Variants in MACF1 observed in about 807,000 individuals in gnomAD.
MACF1 encodes the protein microtubule-actin cross-linking factor 1.
A neutral mutation model predicts 854.8 loss-of-function variants in MACF1; 193 were observed. That is an observed-to-expected ratio of 0.23 (90% confidence interval 0.20 to 0.25). MACF1 has a LOEUF of 0.25. Ranked by LOEUF, MACF1 falls within the 10% of genes least tolerant of loss-of-function variation. The probability of loss-of-function intolerance (pLI) is 1.00; values close to 1 mark genes in which losing one functional copy is unlikely to be tolerated. For missense variants in MACF1, 7,722 were observed against 8,929.1 expected (o/e 0.86, Z 5.45); for synonymous variants, 3,185 against 3,226.7 (o/e 0.99, Z 0.44).
intron 19 of MACF1, 102 bp downstream of exon 19, chr1:39,295,252 GT>G: frequency 1.1e-6 from 1 of 937,418 alleles, no homozygotes; most frequent in South Asian, 1.5e-5. Context: ...TGGAGGAAGT[GT>G]CAGGGAACAT....
chr1:39,418,380 A>T lies in MACF1; in HGVS notation c.15817-3994A>T, dbSNP rs193091387. The stretch of plus-strand genomic sequence containing the variant: ...GAGAGACAAATTGAGAGTCATAAGC[A>T]TTTATTGTGGTTAGTATTTAAACCC... On this transcript the variant is annotated intron_variant, in intron 58 of 100. Coordinates refer to ENST00000564288, the MANE Select transcript of MACF1 (RefSeq NM_001394062.1). Among the ~76,000 whole-genome samples the T allele has an allele frequency of 3.2e-4, 48 of 152,360 alleles. 1 individual carries two copies. Among genetic ancestry groups the T allele is most frequent in the African/African-American group, 1.1e-3 (47 of 41,592 alleles).
At chr1:39,193,119 T>TA (rs564270904) in intron 2 of MACF1, among the ~76,000 whole-genome samples, 123 of 144,976 alleles carry the variant, frequency 8.5e-4, no homozygotes, top group Middle Eastern at 3.4e-3. Flanking sequence ...TCTCAAAAAT[T>TA]AAAAAAAAAA....
intron 2 of MACF1, among the ~76,000 whole-genome samples, chr1:39,186,820 G>C (rs959280031): frequency 6.6e-6 from 1 of 151,708 alleles, no homozygotes; most frequent in South Asian, 2.1e-4. Context: ...TTGTTCTCCA[G>C]GCTAGTCTCA....
At chr1:39,179,910 G>A (rs1415931216) in intron 2 of MACF1, among the ~76,000 whole-genome samples, 3 of 151,898 alleles carry the variant, frequency 2.0e-5, no homozygotes, top group Admixed American at 1.3e-4. Context: ...AGCTACTCAC[G>A]AGGCTGAGGC....
intron 2 of MACF1, among the ~76,000 whole-genome samples, chr1:39,243,577 A>T (rs1378924533): frequency 6.6e-6 from 1 of 151,998 alleles, no homozygotes; most frequent in Non-Finnish European, 1.5e-5. Flanking sequence ...GACTTTTAAA[A>T]TTTTTTGTAG....
intron 2 of MACF1, among the ~76,000 whole-genome samples, chr1:39,139,108 A>G (rs184082689): frequency 3.1e-4 from 47 of 152,326 alleles, no homozygotes; most frequent in African/African-American, 1.1e-3. Context: ...TAATCACCCT[A>G]TGAAAATGGA....
At chr1:39,484,975 T>C in intron 100 of MACF1, 1 of 558,626 alleles carries the variant, frequency 1.8e-6, no homozygotes. Flanking sequence ...TCATCAGAAA[T>C]GATCACATTT....
chr1:39,451,099 A>G lies in MACF1; in HGVS notation c.20306A>G (p.Asp6769Gly), dbSNP rs1288649530. Reference protein sequence around the residue: ...EALLFSGQFMDALQALVDWLY... With the variant: ...EALLFSGQFMGALQALVDWLY... ...CTGCTCTTTTCGGGTCAGTTCATGG[A>G]TGCTTTGCAGGCATTGGTTGACTGG... is the stretch of plus-strand genomic sequence containing the variant. The change falls in exon 85 of 101, where the codon GAT (aspartate) becomes GGT (glycine). Residue 6769 changes from aspartate to glycine, a missense_variant. Asp to Gly is a moderately conservative substitution (Grantham distance 94). Around this residue, in one of 15 missense-constraint regions of MACF1, gnomAD observed 729 missense variants for 900.5 expected, o/e 0.81. Coordinates refer to ENST00000564288, the MANE Select transcript of MACF1 (RefSeq NM_001394062.1). 4 of 1,614,184 alleles carry G rather than the reference A, an allele frequency of 2.5e-6. No individual in the cohort carries two copies. The highest frequency in any genetic ancestry group is 3.4e-6 in the Non-Finnish European group (4 of 1,180,022).
chr1:39,480,854 A>G (rs1007972280), intron 98 of MACF1, 66 bp from the exon 99 acceptor site: 2 of 790,130 alleles, frequency 2.5e-6, no homozygotes, highest in African/African-American at 3.5e-5. Context: ...TTCTGTTCCC[A>G]ATGTGCACCC....
chr1:39,152,951 T>A (rs1643613717), intron 2 of MACF1, among the ~76,000 whole-genome samples: 1 of 152,196 alleles, frequency 6.6e-6, no homozygotes, highest in South Asian at 2.1e-4. Flanking sequence ...TAAGCACTTT[T>A]CTTCCACTAG....
At position 39,130,944 on chromosome 1, in the gene MACF1, C is replaced by T. The variant is rs969844047; in HGVS notation, c.220+46506C>T. 4.0e-5 allele frequency among the ~76,000 whole-genome samples: 6 copies of T among 151,362 alleles called. 1 individual carries two copies. Among genetic ancestry groups the T allele is most frequent in the Non-Finnish European group, 8.8e-5 (6 of 67,846 alleles). On this transcript the variant is annotated intron_variant, in intron 2 of 93. Coordinates refer to the MACF1 transcript ENST00000361689. ...GCAACCTCCGCCTCCCGGGTTCAAGCAATTCTCCTGCCTCAGCCTCCCGAG... is the reference window on the plus strand; with the variant it reads ...GCAACCTCCGCCTCCCGGGTTCAAGTAATTCTCCTGCCTCAGCCTCCCGAG...
At position 39,452,358 on chromosome 1, in the gene MACF1, A is replaced by G. The variant is rs1312909438; in HGVS notation, c.20613+8A>G. On this transcript the variant is annotated splice_region_variant and intron_variant, in intron 86 of 100. Coordinates refer to ENST00000564288, the MANE Select transcript of MACF1 (RefSeq NM_001394062.1). ...GAGCAGGCCTTAAAACAAGTAAGGG[A>G]TATTTGCTGTCCCAACCCAAGGGAT... 6.2e-7 allele frequency: 1 copy of G among 1,610,922 alleles called. No individual in the cohort carries two copies.
At chr1:39,330,894 C>T (rs1283220686) in intron 36 of MACF1, among the ~76,000 whole-genome samples, 3 of 151,824 alleles carry the variant, frequency 2.0e-5, no homozygotes, top group East Asian at 1.9e-4. Flanking sequence ...CTCCACCTCC[C>T]GGGTTCAAGC....
chr1:39,345,906 A>G (rs1192282560), intron 40 of MACF1, among the ~76,000 whole-genome samples: 3 of 152,120 alleles, frequency 2.0e-5, no homozygotes, highest in African/African-American at 7.2e-5. Context: ...TGTCTCTACT[A>G]AAAATACAAA....
chr1:39,173,658 T>A (rs1207938701), intron 2 of MACF1, among the ~76,000 whole-genome samples: 1 of 152,144 alleles, frequency 6.6e-6, no homozygotes, highest in African/African-American at 2.4e-5. Context: ...CTCTGTTATT[T>A]CTCTCTCCAG....
Position 39,296,986 on chromosome 1 carries a change from C to T in MACF1, c.2356-634C>T, listed in dbSNP as rs867696658. 1.4e-4 allele frequency among the ~76,000 whole-genome samples: 21 copies of T among 151,932 alleles called. 1 individual carries two copies. The Middle Eastern group carries it at 0.027, about 197-fold the overall frequency. On this transcript the variant is annotated intron_variant, in intron 20 of 100. Transcript: ENST00000564288. ...TCGCCCAGGCTGGAGTGCAGTGGCA[C>T]GATCTCTGCTCACTGCAAACTCCGC...
At chr1:39,378,580 G>GT in intron 53 of MACF1, 57 bp downstream of exon 53, 1 of 1,491,814 alleles carries the variant, frequency 6.7e-7, no homozygotes, top group Non-Finnish European at 9.3e-7. Flanking sequence ...CAGTGTCTAT[G>GT]TTTGCATCTG....
At chr1:39,252,602 C>T (rs371755776) in intron 4 of MACF1, among the ~76,000 whole-genome samples, 1 of 151,746 alleles carries the variant, frequency 6.6e-6, no homozygotes, top group East Asian at 1.9e-4. Flanking sequence ...TTTCCAGAAA[C>T]AAGGATTAGG....
At chr1:39,087,503 C>T (rs1557444110) in intron 2 of MACF1, among the ~76,000 whole-genome samples, 2 of 152,084 alleles carry the variant, frequency 1.3e-5, no homozygotes, top group African/African-American at 4.8e-5. Context: ...TTCCCATCTT[C>T]CTGTTCTCAT....
Sources: gnomAD v4.1 joint callset for allele counts (sites outside exome capture counted in the v4.1 genomes callset) on GRCh38, gnomAD v4.1.1 for gene constraint, gnomAD v4.1.1 regional missense constraint, MANE v1.5 for transcripts, NCBI Gene and HGNC (gene_info 2026-07-23, HGNC 2026-07-21) for gene names.